CR1L: variants seen among roughly 807,000 people sequenced by gnomAD.
CR1L encodes complement component receptor 1-like protein.
CR1L carries 59 observed loss-of-function variants against 62.3 expected under a neutral mutation model. That is an observed-to-expected ratio of 0.95 (90% CI 0.77 to 1.18). The LOEUF (loss-of-function observed/expected upper bound fraction) is 1.18, where lower values mean the gene tolerates loss of function less well. Among genes scored for constraint, CR1L ranks in the 50% most tolerant of loss-of-function variants. The pLI, the probability that CR1L is intolerant of heterozygous loss-of-function variation, is 0.00. For missense variants in CR1L, 700 were observed against 702.8 expected (o/e 1.00, Z 0.04); for synonymous variants, 279 against 248.7 (o/e 1.12, Z -1.15).
chr1:207,660,836 T>C (rs539207898), intron 1 of CR1L, among the ~76,000 whole-genome samples: 1 of 152,334 alleles, frequency 6.6e-6, no homozygotes, highest in Admixed American at 6.5e-5. Flanking sequence ...GAGATTCTGG[T>C]ATGTTGTGTT....
chr1:207,668,585 T>C (rs538271119), intron 1 of CR1L, among the ~76,000 whole-genome samples: 10 of 150,958 alleles, frequency 6.6e-5, no homozygotes, highest in African/African-American at 2.5e-4. Flanking sequence ...TAAGAATAAA[T>C]TCATCCTTGA....
chr1:207,705,961 T>C (rs965285285), intron 9 of CR1L, among the ~76,000 whole-genome samples: 9 of 150,900 alleles, frequency 6.0e-5, no homozygotes, highest in African/African-American at 1.7e-4. Context: ...ATGTAGTCAG[T>C]GTGTTTATAT....
In CR1L at chr1:207,686,138, T is replaced by C. The variant is rs185082524; in HGVS notation, c.463+2181T>C. Reference sequence around the variant, plus strand: ...TCCCTCCCTCCCTTCCTCCCTCCCTTCCTTCCTTCCTTCCTTCCTTCCTTC... The same window carrying C: ...TCCCTCCCTCCCTTCCTCCCTCCCTCCCTTCCTTCCTTCCTTCCTTCCTTC... On this transcript the variant is annotated intron_variant, in intron 4 of 11. Coordinates refer to ENST00000508064, the MANE Select transcript of CR1L (RefSeq NM_175710.2). Among the ~76,000 whole-genome samples, 27 of 28,914 alleles carry C rather than the reference T, an allele frequency of 9.3e-4. 2 individuals are homozygous for C. Among genetic ancestry groups the C allele is most frequent in the African/African-American group, 2.4e-3 (14 of 5,854 alleles). The allele number at this position is 28,914 out of a possible 152,430, so 19.0% of individuals were successfully genotyped here.
intron 3 of CR1L, among the ~76,000 whole-genome samples, chr1:207,683,014 C>CTTTCTT (rs1663828183): frequency 4.9e-5 from 3 of 60,674 alleles, no homozygotes; most frequent in African/African-American, 1.5e-4. Flanking sequence ...CTTTCTTTTT[C>CTTTCTT]TTTCTTTCTT....
chr1:207,662,162 T>C (rs1034475892), intron 1 of CR1L, among the ~76,000 whole-genome samples: 11 of 152,176 alleles, frequency 7.2e-5, no homozygotes, highest in Non-Finnish European at 1.3e-4. Context: ...TTTGTGGTGT[T>C]CTCTGTATTT....
At chr1:207,664,903 C>T (rs956643712) in intron 1 of CR1L, among the ~76,000 whole-genome samples, 4 of 152,016 alleles carry the variant, frequency 2.6e-5, no homozygotes, top group South Asian at 2.1e-4. Flanking sequence ...AAGTCCTAAG[C>T]GGAAAAGAGG....
intron 9 of CR1L, among the ~76,000 whole-genome samples, chr1:207,707,911 G>A (rs1570565): frequency 0.62 from 93,934 of 151,906 alleles, 29,972 homozygotes; most frequent in East Asian, 0.87. Context: ...TCTACAAAAT[G>A]ATTGTTTTAT....
At chr1:207,651,968 G>A (rs1663230111) in intron 1 of CR1L, among the ~76,000 whole-genome samples, 1 of 152,202 alleles carries the variant, frequency 6.6e-6, no homozygotes, top group Admixed American at 6.5e-5. Flanking sequence ...GAATATTTGA[G>A]TTCATATTTA....
rs202213140 is a variant in CR1L at position 207,646,141 on chromosome 1, C to T, written c.97+811C>T. Among the ~76,000 whole-genome samples the T allele has an allele frequency of 9.2e-5, 14 of 152,060 alleles. No homozygotes were observed. In the East Asian group the frequency reaches 2.7e-3, roughly 29 times the overall value. On this transcript the variant is annotated intron_variant, in intron 1 of 11. Transcript: ENST00000508064. ...CTTTTTTGGGGGGTGGGTGGGCCAT[C>T]GAGTCATCTTCCTGTTCCCAACCAA...
intron 9 of CR1L, among the ~76,000 whole-genome samples, chr1:207,702,976 C>G (rs115632629): frequency 6.6e-6 from 1 of 152,060 alleles, no homozygotes; most frequent in Non-Finnish European, 1.5e-5. Context: ...TCCAGCTACT[C>G]GGGAGTCTGA....
intron 1 of CR1L, among the ~76,000 whole-genome samples, chr1:207,676,815 C>A (rs1318850997): frequency 6.6e-6 from 1 of 152,086 alleles, no homozygotes; most frequent in Admixed American, 6.5e-5. Flanking sequence ...CCACCATGCT[C>A]TGCTAATTTT....
chr1:207,699,007 G>A (rs1052397742), intron 7 of CR1L, among the ~76,000 whole-genome samples, 182 bp from the exon 8 acceptor site: 1 of 152,114 alleles, frequency 6.6e-6, no homozygotes, highest in Admixed American at 6.5e-5. Flanking sequence ...ACTGCATTTT[G>A]CCACTCTATA....
At chr1:207,688,426 C>G (rs1663945755) in intron 4 of CR1L, among the ~76,000 whole-genome samples, 1 of 151,722 alleles carries the variant, frequency 6.6e-6, no homozygotes, top group Non-Finnish European at 1.5e-5. Context: ...TAGTTTTTTG[C>G]CATACTATAA....
chr1:207,692,187 A>G (rs1420768676), intron 4 of CR1L, among the ~76,000 whole-genome samples: 2 of 152,252 alleles, frequency 1.3e-5, no homozygotes, highest in Non-Finnish European at 2.9e-5. Flanking sequence ...TAAACTATGT[A>G]AGGCTTTAGG....
chr1:207,706,013 G>GTA (rs139294447), intron 9 of CR1L, among the ~76,000 whole-genome samples: 4,391 of 133,330 alleles, frequency 0.033, 82 homozygotes, highest in South Asian at 0.05. Flanking sequence ...GTGTGTGTAT[G>GTA]TATATATATA....
chr1:207,671,054 G>A lies in CR1L; in HGVS notation c.98-6335G>A, dbSNP rs887464652. ...GAAATCTACTTTTTAGGAAGCCAGT[G>A]TTCTGGTTTTTCCAGACTCTGCTAC... is the stretch of plus-strand genomic sequence containing the variant. On this transcript the variant is annotated intron_variant, in intron 1 of 11. Transcript: ENST00000508064. 2.0e-5 allele frequency among the ~76,000 whole-genome samples: 3 copies of A among 151,072 alleles called. 1 individual carries two copies. The highest frequency in any genetic ancestry group is 7.4e-5 in the African/African-American group (3 of 40,358).
intron 10 of CR1L, among the ~76,000 whole-genome samples, chr1:207,713,251 G>A (rs1998539): frequency 0.61 from 92,695 of 151,986 alleles, 28,991 homozygotes; most frequent in East Asian, 0.88. Context: ...TATAAAATGT[G>A]TGCTAGAAAA....
In CR1L at chr1:207,697,583, T is replaced by C. The variant is rs1262592004; in HGVS notation, c.943T>C (p.Phe315Leu). The change falls in exon 6 of 12, where the codon TTC (phenylalanine) becomes CTC (leucine). Residue 315 changes from phenylalanine to leucine, a missense_variant. Coordinates refer to ENST00000508064, the MANE Select transcript of CR1L (RefSeq NM_175710.2). ...KDNFSPGQEV[F>L]YSCEPGYDLR... Reference sequence around the variant, plus strand: ...CAACTTTTCACCCGGGCAGGAAGTGTTCTACAGCTGTGAGCCCGGCTACGA... The same window carrying C: ...CAACTTTTCACCCGGGCAGGAAGTGCTCTACAGCTGTGAGCCCGGCTACGA... 1.9e-6 allele frequency: 3 copies of C among 1,613,676 alleles called. No homozygotes were observed. The highest frequency in any genetic ancestry group is 2.5e-6 in the Non-Finnish European group (3 of 1,179,790).
At chr1:207,713,173 C>A (rs1227591674) in intron 10 of CR1L, among the ~76,000 whole-genome samples, 2 of 152,076 alleles carry the variant, frequency 1.3e-5, no homozygotes, top group East Asian at 3.9e-4. Context: ...AGTCACTGAT[C>A]TTGGGTACAC....
Sources: allele counts gnomAD v4.1 joint callset (sites outside exome capture counted in the v4.1 genomes callset), GRCh38; gene constraint gnomAD v4.1.1; transcripts MANE v1.5; gene names NCBI Gene and HGNC (gene_info 2026-07-23, HGNC 2026-07-21).